ABCA13: variants seen among roughly 807,000 people sequenced by gnomAD.
ABCA13 encodes ATP-binding cassette sub-family A member 13.
ABCA13 carries 476 observed loss-of-function variants against 478.7 expected under a neutral mutation model. The observed-to-expected ratio is 0.99, with a 90% confidence interval of 0.92 to 1.07. The LOEUF is 1.07. Ranked by LOEUF, ABCA13 falls within the 50% of genes least tolerant of loss-of-function variation. The probability of loss-of-function intolerance (pLI) is 0.00; values close to 1 mark genes in which losing one functional copy is unlikely to be tolerated. For synonymous variants in ABCA13, 2,252 were observed against 2,158.9 expected, an observed-to-expected ratio of 1.04 and a Z score of -1.20; for missense variants, 6,060 against 5,910.6, an observed-to-expected ratio of 1.03 and a Z score of -0.83.
intron 27 of ABCA13, among the ~76,000 whole-genome samples, chr7:48,321,859 C>T (rs774080427): frequency 6.6e-6 from 1 of 152,166 alleles, no homozygotes; most frequent in Non-Finnish European, 1.5e-5. Context: ...CCTGGCAGCA[C>T]CACAGACAGG....
intron 58 of ABCA13, among the ~76,000 whole-genome samples, chr7:48,608,705 CG>C (rs755856385): frequency 3.3e-5 from 5 of 152,206 alleles, no homozygotes; most frequent in Admixed American, 6.5e-5. Flanking sequence ...TGCATGTTTT[CG>C]AAACTAGGGA....
Position 48,314,308 on chromosome 7 carries a change from A to G in ABCA13, c.9758A>G (p.Gln3253Arg), listed in dbSNP as rs777806630. Residue 3253 changes from glutamine to arginine, a missense_variant, in exon 26 of 62, where the codon CAA (glutamine) becomes CGA (arginine). Physicochemically the swap from Gln to Arg is conservative, Grantham distance 43 (BLOSUM62 1). Transcript: ENST00000435803. ...GTGATGAAGATGGTTTGCAAGGACC[A>G]AGCATCATTCCTTAGCGATTCTAAT... is the stretch of plus-strand genomic sequence containing the variant. ...QFVMKMVCKD[Q>R]ASFLSDSNMF... 3.7e-6 allele frequency: 6 copies of G among 1,613,758 alleles called. No individual in the cohort carries two copies. The highest frequency in any genetic ancestry group is 3.3e-5 in the Admixed American group (2 of 59,998).
At chr7:48,531,889 A>G (rs899488944) in intron 55 of ABCA13, among the ~76,000 whole-genome samples, 1 of 152,000 alleles carries the variant, frequency 6.6e-6, no homozygotes, top group African/African-American at 2.4e-5. Flanking sequence ...TAGTTCTAGG[A>G]GTTTTCTGGA....
intron 55 of ABCA13, among the ~76,000 whole-genome samples, chr7:48,537,451 A>G (rs1833660346): frequency 6.6e-6 from 1 of 152,202 alleles, no homozygotes; most frequent in Non-Finnish European, 1.5e-5. Context: ...TTTTACTTCT[A>G]TAGAAGGATG....
Position 48,520,270 on chromosome 7 carries a change from A to T in ABCA13, c.14027A>T (p.His4676Leu). The change falls in exon 53 of 62, where the codon CAC (histidine) becomes CTC (leucine). Residue 4676 changes from histidine (H) to leucine (L), a missense_variant. Physicochemically the swap from His to Leu is moderately conservative, Grantham distance 99. Around this residue, in one of 3 missense-constraint regions of ABCA13, gnomAD observed 1,627 missense variants for 1,571.0 expected, o/e 1.04. Coordinates refer to ENST00000435803, the MANE Select transcript of ABCA13 (RefSeq NM_152701.5). ...CTTCTCCTCTTGAGGGTTCTGCTACACTGGGACCTTCTGCGATGGCCAAGG... is the reference window on the plus strand; with the variant it reads ...CTTCTCCTCTTGAGGGTTCTGCTACTCTGGGACCTTCTGCGATGGCCAAGG... ...TVLLLLRVLL[H>L]WDLLRWPRGH... The T allele has an allele frequency of 6.2e-7, 1 of 1,612,558 alleles. No homozygotes were observed. Among genetic ancestry groups the T allele is most frequent in the East Asian group, 2.2e-5 (1 of 44,710 alleles).
intron 29 of ABCA13, among the ~76,000 whole-genome samples, chr7:48,341,435 G>A (rs910727603): frequency 1.3e-5 from 2 of 152,034 alleles, no homozygotes; most frequent in East Asian, 1.9e-4. Context: ...TTGTTGTCAT[G>A]TTTTGTGGGT....
Position 48,427,756 on chromosome 7 carries a change from T to G in ABCA13, c.12460-10T>G, listed in dbSNP as rs545288655. On this transcript the variant is annotated splice_polypyrimidine_tract_variant and intron_variant, in intron 41 of 61. Coordinates refer to ENST00000435803, the MANE Select transcript of ABCA13 (RefSeq NM_152701.5). Reference sequence around the variant, plus strand: ...TAAAATAATACATGGCGTTTTTTTTTCTCCGAAAGGTGTTTTTGATGCTTT... The same window carrying G: ...TAAAATAATACATGGCGTTTTTTTTGCTCCGAAAGGTGTTTTTGATGCTTT... 4.4e-6 allele frequency: 7 copies of G among 1,590,938 alleles called. No homozygotes were observed. In the South Asian group the frequency reaches 6.7e-5, roughly 15 times the overall value.
chr7:48,196,806 C>T (rs1307637180), intron 2 of ABCA13, among the ~76,000 whole-genome samples: 1 of 152,138 alleles, frequency 6.6e-6, no homozygotes, highest in East Asian at 1.9e-4. Flanking sequence ...ACTATCTGGG[C>T]ACTGTTGCTG....
intron 15 of ABCA13, among the ~76,000 whole-genome samples, chr7:48,259,721 T>G (rs1584484123): frequency 4.2e-5 from 1 of 23,900 alleles, no homozygotes; most frequent in African/African-American, 6.4e-4. Flanking sequence ...TACTTAAGTG[T>G]TTTTTTTTTG....
chr7:48,418,572 T>C (rs1490530360), intron 41 of ABCA13, among the ~76,000 whole-genome samples: 1 of 152,240 alleles, frequency 6.6e-6, no homozygotes, highest in Non-Finnish European at 1.5e-5. Flanking sequence ...AAGAGCTCTT[T>C]GTTAACTTCA....
At chr7:48,482,459 C>T (rs963918300) in intron 46 of ABCA13, among the ~76,000 whole-genome samples, 2 of 151,778 alleles carry the variant, frequency 1.3e-5, no homozygotes, top group Non-Finnish European at 2.9e-5. Context: ...TCCACTGTAA[C>T]CTCCGCCTCC....
intron 58 of ABCA13, among the ~76,000 whole-genome samples, chr7:48,600,116 G>A (rs1346024982): frequency 6.6e-6 from 1 of 152,046 alleles, no homozygotes; most frequent in African/African-American, 2.4e-5. Context: ...AGGTGAATAT[G>A]CATTCTTAAT....
chr7:48,606,539 G>A (rs1791484885), intron 58 of ABCA13, among the ~76,000 whole-genome samples: 1 of 152,144 alleles, frequency 6.6e-6, no homozygotes. Context: ...TGTCAGTGGT[G>A]GAGGCTGCAG....
intron 31 of ABCA13, among the ~76,000 whole-genome samples, chr7:48,353,251 A>G (rs560142407): frequency 4.0e-5 from 6 of 151,498 alleles, no homozygotes; most frequent in Non-Finnish European, 8.8e-5. Flanking sequence ...CTCAGCCTGG[A>G]TTTCTTACTT....
chr7:48,310,194 G>A (rs1801562284), intron 24 of ABCA13, 53 bp downstream of exon 24: 2 of 1,548,922 alleles, frequency 1.3e-6, no homozygotes, highest in Non-Finnish European at 8.8e-7. Context: ...CTGCTGTGGT[G>A]GCTGCAGATA....
intron 55 of ABCA13, among the ~76,000 whole-genome samples, chr7:48,572,156 G>C (rs951359470): frequency 1.3e-5 from 2 of 152,010 alleles, no homozygotes; most frequent in African/African-American, 2.4e-5. Flanking sequence ...TTCCAGCCTG[G>C]GTGATGGAGT....
chr7:48,300,981 G>A (rs1202856485), intron 23 of ABCA13, among the ~76,000 whole-genome samples: 1 of 152,166 alleles, frequency 6.6e-6, no homozygotes, highest in Non-Finnish European at 1.5e-5. Flanking sequence ...TTTAAAATTA[G>A]CAATGAGGCC....
At chr7:48,380,378 A>G (rs985803252) in intron 35 of ABCA13, among the ~76,000 whole-genome samples, 2 of 152,246 alleles carry the variant, frequency 1.3e-5, no homozygotes, top group African/African-American at 4.8e-5. Flanking sequence ...TGCAAACTCA[A>G]ACGCAGTGAG....
intron 48 of ABCA13, among the ~76,000 whole-genome samples, chr7:48,501,265 T>C (rs2130813279): frequency 6.6e-6 from 1 of 152,296 alleles, no homozygotes; most frequent in East Asian, 1.9e-4. Context: ...CTAAGCCCTC[T>C]CATTCTCTGT....
Sources: allele counts gnomAD v4.1 joint callset (sites outside exome capture counted in the v4.1 genomes callset), GRCh38; gene constraint gnomAD v4.1.1; regional missense constraint gnomAD v4.1.1; transcripts MANE v1.5; gene names NCBI Gene and HGNC (gene_info 2026-07-23, HGNC 2026-07-21).